The following SNX4 variants were observed in gnomAD, a reference collection of about 807,000 sequenced individuals.
SNX4 encodes the protein sorting nexin 4, also known as sorting nexin-4.
SNX4 carries 49 observed loss-of-function variants against 70.8 expected under a neutral mutation model. The ratio of observed to expected loss-of-function variants is 0.69; its 90% confidence interval spans 0.55 to 0.88. The LOEUF is 0.88. SNX4 is among the 40% of genes least tolerant of loss of function. The probability of loss-of-function intolerance (pLI) is 0.00; values close to 1 mark genes in which losing one functional copy is unlikely to be tolerated. For missense variants in SNX4, 528 were observed against 544.8 expected (o/e 0.97, Z 0.31); for synonymous variants, 206 against 183.8 (o/e 1.12, Z -0.98).
intron 7 of SNX4, among the ~76,000 whole-genome samples, chr3:125,477,812 C>T (rs1311857247): frequency 6.6e-6 from 1 of 152,126 alleles, no homozygotes; most frequent in Non-Finnish European, 1.5e-5. Flanking sequence ...GTTTTGTAAA[C>T]AGAGTCTCAC....
chr3:125,467,816 GAA>G (rs1934072952), intron 9 of SNX4, among the ~76,000 whole-genome samples: 1 of 152,206 alleles, frequency 6.6e-6, no homozygotes, highest in Non-Finnish European at 1.5e-5. Flanking sequence ...CAGCCACTGT[GAA>G]AAGCAGTCTA....
At chr3:125,461,071 C>T (rs1933873016) in intron 9 of SNX4, among the ~76,000 whole-genome samples, 1 of 152,068 alleles carries the variant, frequency 6.6e-6, no homozygotes, top group African/African-American at 2.4e-5. Context: ...ACTAAAAATA[C>T]AAAAATTAGC....
chr3:125,489,525 T>A lies in SNX4; in HGVS notation c.598-62A>T, dbSNP rs1934604832. On this transcript the variant is annotated intron_variant, in intron 5 of 13. Transcript: ENST00000251775. ...TTTCAGGGTATAAAATTCAAACAAT[T>A]TTACTTTCCCTTTAGAATTAAGATG... 6 of 1,348,408 alleles carry A rather than the reference T, an allele frequency of 4.4e-6. No homozygotes were observed. The South Asian group carries it at 6.1e-5, about 14-fold the overall frequency. The allele number at this position is 1,348,408 out of a possible 1,614,324, so 83.5% of individuals were successfully genotyped here.
intron 5 of SNX4, among the ~76,000 whole-genome samples, chr3:125,495,285 C>CAAACACAA (rs144579998): frequency 3.2e-5 from 2 of 61,814 alleles, no homozygotes; most frequent in Non-Finnish European, 6.8e-5. Context: ...TATACACATA[C>CAAACACAA]ACACACACAC....
chr3:125,495,250 T>TTATATATATATATATATATA (rs759787193), intron 5 of SNX4, among the ~76,000 whole-genome samples: 1,289 of 37,842 alleles, frequency 0.034, 135 homozygotes, highest in Non-Finnish European at 0.057. Flanking sequence ...CATTCTCTCT[T>TTATATATATATATATATATA]TATATATATA....
At chr3:125,462,593 CA>C (rs34157775) in intron 9 of SNX4, among the ~76,000 whole-genome samples, 84 of 48,260 alleles carry the variant, frequency 1.7e-3, no homozygotes, top group Admixed American at 4.4e-3. Context: ...TCTGTCTCAC[CA>C]AAAAAAAAAA....
intron 13 of SNX4, among the ~76,000 whole-genome samples, chr3:125,450,277 T>C (rs1221084103): frequency 6.6e-6 from 1 of 152,204 alleles, no homozygotes; most frequent in Non-Finnish European, 1.5e-5. Flanking sequence ...ATCCACGGTA[T>C]ACAGTAACTT....
At chr3:125,467,428 G>A (rs558553452) in intron 9 of SNX4, among the ~76,000 whole-genome samples, 1 of 132,104 alleles carries the variant, frequency 7.6e-6, no homozygotes, top group East Asian at 2.2e-4. Context: ...ATAAAGGAGT[G>A]GGGGGAAGGA....
intron 1 of SNX4, among the ~76,000 whole-genome samples, chr3:125,515,438 G>A (rs1450109750): frequency 6.6e-6 from 1 of 151,640 alleles, no homozygotes; most frequent in Non-Finnish European, 1.5e-5. Context: ...GAGGTGGGAG[G>A]ATCACTGGAG....
intron 11 of SNX4, among the ~76,000 whole-genome samples, chr3:125,456,990 C>T (rs548698729): frequency 4.2e-4 from 63 of 151,746 alleles, no homozygotes; most frequent in Middle Eastern, 3.4e-3. Context: ...TAAAACGAAA[C>T]CGGATGATAC....
rs57318733 is a variant in SNX4, at chr3:125,492,070, C to T, written c.598-2607G>A. On this transcript the variant is annotated intron_variant, in intron 5 of 13. Transcript: ENST00000251775. ...TTGCAGTGAGCCGAGATCGCGCCAC[C>T]GCACTCCAGCCTGGGTGACAGAGAA... Among the ~76,000 whole-genome samples the T allele has an allele frequency of 6.7e-3, 945 of 142,078 alleles. 13 individuals are homozygous for T. The highest frequency in any genetic ancestry group is 0.031 in the Middle Eastern group (8 of 260). 93.2% of individuals were successfully genotyped at this position (142,078 alleles called of 152,430 possible).
intron 6 of SNX4, among the ~76,000 whole-genome samples, chr3:125,485,414 C>T (rs974978730): frequency 1.3e-5 from 2 of 152,112 alleles, no homozygotes; most frequent in African/African-American, 4.8e-5. Flanking sequence ...TCTCGTGCCT[C>T]AGCCCCCCAA....
chr3:125,510,763 AG>A (rs1935153090), intron 1 of SNX4, among the ~76,000 whole-genome samples: 1 of 152,202 alleles, frequency 6.6e-6, no homozygotes, highest in Non-Finnish European at 1.5e-5. Flanking sequence ...CAGCTGCGGC[AG>A]GGGGAAATAG....
intron 10 of SNX4, among the ~76,000 whole-genome samples, chr3:125,457,670 C>T (rs1255008170): frequency 1.3e-5 from 2 of 151,062 alleles, no homozygotes; most frequent in African/African-American, 2.4e-5. Flanking sequence ...CTCCGCCTCC[C>T]GGGTTCAAAT....
At chr3:125,506,801 A>G (rs75956836) in intron 1 of SNX4, among the ~76,000 whole-genome samples, 4,577 of 140,858 alleles carry the variant, frequency 0.032, 238 homozygotes, top group African/African-American at 0.089. Flanking sequence ...GAACTTAAAG[A>G]AAGATGTGGA....
chr3:125,476,704 C>T lies in SNX4; in HGVS notation c.779G>A (p.Arg260Gln). 7 of 1,588,624 alleles carry T rather than the reference C, an allele frequency of 4.4e-6. No homozygotes were observed. The highest frequency in any genetic ancestry group is 6.0e-6 in the Non-Finnish European group (7 of 1,159,830). The stretch of plus-strand genomic sequence containing the variant: ...TTTGTATGATGCTTACCTGAAAACT[C>T]GACCATAATTCCCATGTACTTTATA... Reference protein sequence around the residue: ...GVYKVHGNYGRVFSEWSAIEK... With the variant: ...GVYKVHGNYGQVFSEWSAIEK... The change falls in exon 8 of 14, where the codon CGA (arginine) becomes CAA (glutamine). Residue 260 changes from arginine (R) to glutamine (Q), a missense_variant. Transcript: ENST00000251775.
intron 9 of SNX4, among the ~76,000 whole-genome samples, chr3:125,465,409 C>T (rs1273591379): frequency 6.6e-6 from 1 of 151,598 alleles, no homozygotes; most frequent in Non-Finnish European, 1.5e-5. Flanking sequence ...CCACACCTGG[C>T]TAATTTATTT....
chr3:125,460,324 T>C (rs932949103), intron 10 of SNX4, among the ~76,000 whole-genome samples: 2 of 152,126 alleles, frequency 1.3e-5, no homozygotes, highest in Non-Finnish European at 2.9e-5. Context: ...CGTAGGACTA[T>C]CTAAAAGAGA....
intron 9 of SNX4, among the ~76,000 whole-genome samples, chr3:125,463,003 G>A (rs1933922685): frequency 6.6e-6 from 1 of 152,186 alleles, no homozygotes; most frequent in African/African-American, 2.4e-5. Context: ...AAGGACAGGG[G>A]CTATGTGTAT....
Sources: allele counts gnomAD v4.1 joint callset (sites outside exome capture counted in the v4.1 genomes callset), GRCh38; gene constraint gnomAD v4.1.1; transcripts MANE v1.5; gene names NCBI Gene and HGNC (gene_info 2026-07-23, HGNC 2026-07-21).